Variants in KCNK2 observed in about 807,000 individuals in gnomAD.
The protein encoded by KCNK2 is potassium two pore domain channel subfamily K member 2, also known as potassium channel subfamily K member 2.
KCNK2 carries 21 observed loss-of-function variants against 40.5 expected under a neutral mutation model. The observed-to-expected ratio is 0.52, with a 90% confidence interval of 0.37 to 0.75. The LOEUF (loss-of-function observed/expected upper bound fraction) is 0.75. Ranked by LOEUF, KCNK2 falls within the 30% of genes least tolerant of loss-of-function variation. The probability of loss-of-function intolerance (pLI) is 0.00; values close to 1 mark genes in which losing one functional copy is unlikely to be tolerated. For missense variants in KCNK2, 399 were observed against 531.6 expected (o/e 0.75, Z 2.45); for synonymous variants, 191 against 202.2 (o/e 0.94, Z 0.47).
intron 6 of KCNK2, among the ~76,000 whole-genome samples, chr1:215,196,208 C>T (rs1261976375): frequency 1.3e-5 from 2 of 151,920 alleles, no homozygotes; most frequent in African/African-American, 4.8e-5. Flanking sequence ...CTCAGCCTCC[C>T]GAGTATCTGG....
At position 215,235,842 on chromosome 1, in the gene KCNK2, G is replaced by A. The variant is rs971833652; in HGVS notation, c.*697G>A. 3 of 152,588 alleles carry A rather than the reference G, an allele frequency of 2.0e-5. No individual in the cohort carries two copies. In the East Asian group the frequency reaches 5.8e-4, roughly 29 times the overall value. The allele number at this position is 152,588 out of a possible 1,614,324, so 9.5% of individuals were successfully genotyped here. On this transcript the variant is annotated 3_prime_UTR_variant, in exon 7 of 7. Coordinates refer to ENST00000444842, the MANE Select transcript of KCNK2 (RefSeq NM_001017425.3). The stretch of plus-strand genomic sequence containing the variant: ...GAAGCAACACTCAGCGTTGCCTAGC[G>A]TTAAAGGCACTGCAGAGAAATGAGG...
intron 1 of KCNK2, among the ~76,000 whole-genome samples, chr1:215,023,980 C>T (rs914387834): frequency 6.6e-6 from 1 of 152,292 alleles, no homozygotes; most frequent in South Asian, 2.1e-4. Flanking sequence ...GCGGATTTTC[C>T]TAACCATTGC....
At chr1:215,007,227 A>ATATATATATAT (rs1337347831) in intron 1 of KCNK2, among the ~76,000 whole-genome samples, 1 of 95,772 alleles carries the variant, frequency 1.0e-5, no homozygotes, top group African/African-American at 3.9e-5. Flanking sequence ...ATATATATAT[A>ATATATATATAT]GGCTCATTTC....
intron 6 of KCNK2, among the ~76,000 whole-genome samples, chr1:215,220,083 A>G (rs1666110061): frequency 6.6e-6 from 1 of 151,868 alleles, no homozygotes; most frequent in Non-Finnish European, 1.5e-5. Context: ...GCTCTTACAC[A>G]CTCTTAGTTG....
At chr1:215,009,708 T>A (rs1175773286) in intron 1 of KCNK2, among the ~76,000 whole-genome samples, 1 of 152,026 alleles carries the variant, frequency 6.6e-6, no homozygotes, top group Non-Finnish European at 1.5e-5. Context: ...ACTAATTAAC[T>A]CTTACTTTGT....
chr1:215,099,884 G>A (rs1660136520), intron 2 of KCNK2, among the ~76,000 whole-genome samples: 1 of 152,026 alleles, frequency 6.6e-6, no homozygotes, highest in African/African-American at 2.4e-5. Flanking sequence ...AACAGGACAT[G>A]TTCCCATTGG....
At chr1:215,126,669 G>A (rs1661450000) in intron 3 of KCNK2, among the ~76,000 whole-genome samples, 1 of 151,940 alleles carries the variant, frequency 6.6e-6, no homozygotes, top group Non-Finnish European at 1.5e-5. Flanking sequence ...CCCTAATACA[G>A]TAAGTTTTGC....
At chr1:215,007,967 C>T (rs1656244174) in intron 1 of KCNK2, among the ~76,000 whole-genome samples, 2 of 152,116 alleles carry the variant, frequency 1.3e-5, no homozygotes, top group African/African-American at 4.8e-5. Flanking sequence ...AGGCATTCTA[C>T]AGGAATAGCT....
At chr1:215,209,453 T>TAAAA (rs1665504544) in intron 6 of KCNK2, among the ~76,000 whole-genome samples, 6 of 11,900 alleles carry the variant, frequency 5.0e-4, no homozygotes, top group African/African-American at 1.9e-3. Context: ...ATAATATATA[T>TAAAA]TATATATTAT....
intron 5 of KCNK2, among the ~76,000 whole-genome samples, chr1:215,191,145 C>T (rs1025144503): frequency 1.3e-4 from 20 of 151,614 alleles, no homozygotes; most frequent in Admixed American, 1.2e-3. Flanking sequence ...ATTCGTCAGG[C>T]GTGGTGGCAG....
intron 3 of KCNK2, among the ~76,000 whole-genome samples, chr1:215,127,012 A>C (rs957444895): frequency 1.3e-5 from 2 of 152,234 alleles, no homozygotes; most frequent in African/African-American, 4.8e-5. Flanking sequence ...TATTCCATAA[A>C]ATTCAAAGTA....
intron 6 of KCNK2, among the ~76,000 whole-genome samples, chr1:215,198,128 T>G (rs866347147): frequency 6.6e-6 from 1 of 152,210 alleles, no homozygotes; most frequent in Non-Finnish European, 1.5e-5. Context: ...AGTTAAACAT[T>G]GCAGGGTTTT....
chr1:215,111,459 G>T (rs1660680925), intron 2 of KCNK2, among the ~76,000 whole-genome samples: 2 of 151,614 alleles, frequency 1.3e-5, no homozygotes, highest in African/African-American at 4.8e-5. Context: ...TTTTCCTTTT[G>T]CTCTTTTAAC....
At chr1:215,206,236 G>T (rs1246787886) in intron 6 of KCNK2, among the ~76,000 whole-genome samples, 1 of 152,006 alleles carries the variant, frequency 6.6e-6, no homozygotes, top group African/African-American at 2.4e-5. Flanking sequence ...AAGAAATATT[G>T]AACTGAATGT....
At chr1:215,009,850 T>A (rs1656316052) in intron 1 of KCNK2, among the ~76,000 whole-genome samples, 1 of 152,152 alleles carries the variant, frequency 6.6e-6, no homozygotes, top group South Asian at 2.1e-4. Context: ...TATAAGTATA[T>A]CCCAGACACT....
chr1:215,152,104 C>T (rs1009358978), intron 3 of KCNK2, among the ~76,000 whole-genome samples: 9 of 152,038 alleles, frequency 5.9e-5, no homozygotes, highest in Non-Finnish European at 1.3e-4. Context: ...TTGCAGAATT[C>T]CCTGATATAG....
intron 2 of KCNK2, among the ~76,000 whole-genome samples, chr1:215,102,538 A>G (rs1660266641): frequency 6.6e-6 from 1 of 152,018 alleles, no homozygotes; most frequent in African/African-American, 2.4e-5. Context: ...AAGAAAGGAA[A>G]GTATTTTTAA....
chr1:215,030,764 C>T (rs2102485377), intron 1 of KCNK2, among the ~76,000 whole-genome samples: 1 of 148,546 alleles, frequency 6.7e-6, no homozygotes, highest in South Asian at 2.1e-4. Context: ...CCAGGCTGAT[C>T]TCAAACTCCT....
At chr1:215,127,151 AG>A (rs1157005833) in intron 3 of KCNK2, among the ~76,000 whole-genome samples, 2 of 152,058 alleles carry the variant, frequency 1.3e-5, no homozygotes, top group Admixed American at 6.6e-5. Flanking sequence ...AGAAGTTGGG[AG>A]GGTTTTGGAA....
Sources: allele counts gnomAD v4.1 joint callset (sites outside exome capture counted in the v4.1 genomes callset), GRCh38; gene constraint gnomAD v4.1.1; transcripts MANE v1.5; gene names NCBI Gene and HGNC (gene_info 2026-07-23, HGNC 2026-07-21).